Variants in PMS1 observed in about 807,000 individuals in gnomAD.
PMS1 encodes the protein PMS1 protein homolog 1.
Under a neutral mutation model 93.1 loss-of-function variants are expected in PMS1, and 79 were observed. The ratio of observed to expected loss-of-function variants is 0.85; its 90% CI spans 0.71 to 1.02. The LOEUF (loss-of-function observed/expected upper bound fraction) is 1.02. PMS1 is among the 50% of genes least tolerant of loss of function. The probability of loss-of-function intolerance (pLI) is 0.00; values close to 1 mark genes in which losing one functional copy is unlikely to be tolerated. For missense variants in PMS1, 1,064 were observed against 1,085.3 expected (o/e 0.98, Z 0.28); for synonymous variants, 335 against 363.4 (o/e 0.92, Z 0.89).
At chr2:189,787,593 TCAC>T (rs560996071) in intron 1 of PMS1, among the ~76,000 whole-genome samples, 5 of 90,660 alleles carry the variant, frequency 5.5e-5, no homozygotes, top group South Asian at 4.7e-4. Flanking sequence ...AAGATTAACT[TCAC>T]TTTTTTATTT....
At position 189,852,669 on chromosome 2, in the gene PMS1, A is replaced by G; in HGVS notation, c.714A>G (p.Gly238=). ...TTATTATATAGATTTATCTCAGTGG[A>G]TTTCTTCCAAAGTGTGATGCAGACC... is the stretch of plus-strand genomic sequence containing the variant. The part of the protein sequence containing the change: ...HSEESQIYLS[G]FLPKCDADHS... Residue 238 remains glycine (G), a synonymous_variant, in exon 7 of 13, where the codon GGA becomes GGG. Transcript: ENST00000441310. 3 of 1,606,324 alleles carry G rather than the reference A, an allele frequency of 1.9e-6. No individual in the cohort carries two copies. Among genetic ancestry groups the G allele is most frequent in the Non-Finnish European group, 2.6e-6 (3 of 1,173,124 alleles).
intron 6 of PMS1, among the ~76,000 whole-genome samples, chr2:189,851,742 G>C (rs1462686003): frequency 6.6e-6 from 1 of 152,074 alleles, no homozygotes; most frequent in African/African-American, 2.4e-5. Flanking sequence ...TTCCTTGACA[G>C]ATTAATAACA....
intron 5 of PMS1, among the ~76,000 whole-genome samples, chr2:189,825,318 T>C (rs2052336144): frequency 6.6e-6 from 1 of 152,184 alleles, no homozygotes. Context: ...TAGATATTAT[T>C]TGGAGAACTG....
At chr2:189,874,768 T>C (rs1320095023) in intron 12 of PMS1, among the ~76,000 whole-genome samples, 1 of 152,186 alleles carries the variant, frequency 6.6e-6, no homozygotes, top group Non-Finnish European at 1.5e-5. Flanking sequence ...CTTTGTCATG[T>C]GGAAATTCCC....
chr2:189,873,283 A>G (rs1487704738), intron 11 of PMS1, among the ~76,000 whole-genome samples: 1 of 152,238 alleles, frequency 6.6e-6, no homozygotes, highest in Non-Finnish European at 1.5e-5. Context: ...GTTAAATTAT[A>G]TAAAGCACAT....
intron 5 of PMS1, among the ~76,000 whole-genome samples, chr2:189,834,416 GAACTAA>G (rs960301146): frequency 2.3e-4 from 35 of 152,130 alleles, no homozygotes; most frequent in African/African-American, 8.2e-4. Flanking sequence ...GACCAAGAGG[GAACTAA>G]ATGAGACATT....
intron 8 of PMS1, 22 bp from the exon 9 acceptor site, chr2:189,854,217 A>G (rs2106459773): frequency 6.4e-7 from 1 of 1,550,922 alleles, no homozygotes; most frequent in East Asian, 2.3e-5. Flanking sequence ...TTCCCCTAAC[A>G]TTTGTTAATT....
intron 4 of PMS1, among the ~76,000 whole-genome samples, chr2:189,814,505 ATG>A (rs1330423432): frequency 1.5e-5 from 2 of 132,306 alleles, no homozygotes; most frequent in Non-Finnish European, 3.1e-5. Flanking sequence ...TGCAAGTACT[ATG>A]TGTCTTCCAT....
intron 4 of PMS1, among the ~76,000 whole-genome samples, chr2:189,807,972 A>G (rs921554430): frequency 3.3e-5 from 5 of 152,188 alleles, no homozygotes; most frequent in African/African-American, 1.2e-4. Flanking sequence ...TGGACATATT[A>G]TATATATCTA....
At chr2:189,803,903 CAT>C (rs1559229110) in intron 3 of PMS1, among the ~76,000 whole-genome samples, 1 of 151,992 alleles carries the variant, frequency 6.6e-6, no homozygotes, top group Non-Finnish European at 1.5e-5. Context: ...TTTACTTTAA[CAT>C]AAATGTTACA....
At chr2:189,804,845 C>G (rs1468544264) in intron 3 of PMS1, among the ~76,000 whole-genome samples, 1 of 152,158 alleles carries the variant, frequency 6.6e-6, no homozygotes, top group African/African-American at 2.4e-5. Flanking sequence ...TGTGAGGAGG[C>G]TACCTTCTTC....
intron 5 of PMS1, among the ~76,000 whole-genome samples, chr2:189,819,172 G>A (rs2051599706): frequency 6.6e-6 from 1 of 152,158 alleles, no homozygotes; most frequent in Non-Finnish European, 1.5e-5. Flanking sequence ...TTTCACTTAA[G>A]ATAATGACTT....
intron 4 of PMS1, chr2:189,806,398 A>T: frequency 3.2e-6 from 1 of 313,696 alleles, no homozygotes; most frequent in Non-Finnish European, 6.2e-6. Context: ...TTTTTATTTT[A>T]TTTTATTTTA....
chr2:189,852,405 T>C (rs371265624), intron 6 of PMS1, among the ~76,000 whole-genome samples: 1 of 152,194 alleles, frequency 6.6e-6, no homozygotes, highest in African/African-American at 2.4e-5. Context: ...TAACCATTCA[T>C]GAAGATTTTA....
intron 10 of PMS1, among the ~76,000 whole-genome samples, chr2:189,865,124 T>C (rs2056530487): frequency 6.6e-6 from 1 of 152,106 alleles, no homozygotes; most frequent in Non-Finnish European, 1.5e-5. Flanking sequence ...CAATACCTTT[T>C]TCATACCTTA....
chr2:189,812,404 CAG>C (rs1251458850), intron 4 of PMS1, among the ~76,000 whole-genome samples: 5 of 152,140 alleles, frequency 3.3e-5, no homozygotes, highest in African/African-American at 7.2e-5. Flanking sequence ...ACAAATAAAA[CAG>C]AGAATCTCCC....
At chr2:189,831,789 A>AT (rs907844252) in intron 5 of PMS1, among the ~76,000 whole-genome samples, 1 of 150,986 alleles carries the variant, frequency 6.6e-6, no homozygotes, top group Admixed American at 6.6e-5. Context: ...AAATTTAAAA[A>AT]TTTTTTTTTT....
rs2106458200 is a variant in PMS1, at chr2:189,853,996, G to C, written c.880G>C (p.Val294Leu). Residue 294 changes from valine (V) to leucine (L), a missense_variant, in exon 8 of 13, where the codon GTT becomes CTT. By Grantham distance (32) the Val-to-Leu change is conservative (BLOSUM62 1). Transcript: ENST00000441310. Reference sequence around the variant, plus strand: ...AAAGGAATCTACTCGTTTGTATCCTGTTTTCTTTCTGAAAATCGATGTTCC... The same window carrying C: ...AAAGGAATCTACTCGTTTGTATCCTCTTTTCTTTCTGAAAATCGATGTTCC... ...CLKESTRLYP[V>L]FFLKIDVPTA... 6.2e-7 allele frequency: 1 copy of C among 1,608,232 alleles called. No individual in the cohort carries two copies. The highest frequency in any genetic ancestry group is 1.3e-5 in the African/African-American group (1 of 74,914).
At chr2:189,796,289 CAG>C (rs1287919406) in intron 3 of PMS1, among the ~76,000 whole-genome samples, 1 of 152,076 alleles carries the variant, frequency 6.6e-6, no homozygotes, top group Admixed American at 6.5e-5. Context: ...ACCCGGGAAA[CAG>C]AGGCTGCAGT....
Sources: allele counts gnomAD v4.1 joint callset (sites outside exome capture counted in the v4.1 genomes callset), GRCh38; gene constraint gnomAD v4.1.1; transcripts MANE v1.5; gene names NCBI Gene and HGNC (gene_info 2026-07-23, HGNC 2026-07-21).